Variants in UBR4 observed in about 807,000 individuals in gnomAD.
UBR4 encodes the protein ubiquitin protein ligase E3 component n-recognin 4.
Under a neutral mutation model 575.6 loss-of-function variants are expected in UBR4, and 124 were observed. That is an observed-to-expected ratio of 0.22 (90% CI 0.19 to 0.25). The LOEUF (loss-of-function observed/expected upper bound fraction) is 0.25. UBR4 is among the 10% of genes least tolerant of loss of function. UBR4 has a pLI of 1.00. For missense variants in UBR4, 4,818 were observed against 6,478.8 expected, an observed-to-expected ratio of 0.74 and a Z score of 8.80; for synonymous variants, 2,455 against 2,473.7, an observed-to-expected ratio of 0.99 and a Z score of 0.22.
chr1:19,086,493 C>A lies in UBR4; in HGVS notation c.14687+186G>T, dbSNP rs567184223. 5.9e-5 allele frequency among the ~76,000 whole-genome samples: 9 copies of A among 152,328 alleles called. 1 individual carries two copies. In the South Asian group the frequency reaches 1.7e-3, roughly 28 times the overall value. On this transcript the variant is annotated intron_variant, in intron 100 of 105. Transcript: ENST00000375254. Reference sequence around the variant, plus strand: ...CAGGGCTGTTCTCACTAGCCTTGGGCCCAGGCCAAAGCATATTTTCCTATC... The same window carrying A: ...CAGGGCTGTTCTCACTAGCCTTGGGACCAGGCCAAAGCATATTTTCCTATC...
chr1:19,197,321 T>C, intron 7 of UBR4, 56 bp from the exon 8 acceptor site: 1 of 1,609,462 alleles, frequency 6.2e-7, no homozygotes. Flanking sequence ...TTCTATAATG[T>C]GACAGTTAAA....
intron 51 of UBR4, 117 bp downstream of exon 51, chr1:19,147,871 GTCTAA>G (rs2085085633): frequency 7.0e-7 from 1 of 1,427,604 alleles, no homozygotes; most frequent in Admixed American, 2.1e-5. Context: ...TAAAATGTAG[GTCTAA>G]TCTGAATGCT....
Position 19,173,490 on chromosome 1 carries a change from A to T in UBR4, c.3114T>A (p.Thr1038=). Residue 1038 remains threonine, a synonymous_variant, in exon 23 of 106, where the codon ACT becomes ACA. Coordinates refer to ENST00000375254, the MANE Select transcript of UBR4 (RefSeq NM_020765.3). Reference sequence around the variant, plus strand: ...TCCGGAGCCGAGAAGACCATCGCAGAGTGTGCAAGATGTCACATTCGCTCA... The same window carrying T: ...TCCGGAGCCGAGAAGACCATCGCAGTGTGTGCAAGATGTCACATTCGCTCA... ...PEMSECDILH[T]LRWSSRLRIS... The T allele has an allele frequency of 1.2e-6, 2 of 1,614,166 alleles. No homozygotes were observed. Among genetic ancestry groups the T allele is most frequent in the South Asian group, 2.2e-5 (2 of 91,082 alleles).
intron 1 of UBR4, among the ~76,000 whole-genome samples, chr1:19,202,139 G>A (rs1183160381): frequency 3.3e-5 from 5 of 152,134 alleles, no homozygotes; most frequent in Non-Finnish European, 7.4e-5. Flanking sequence ...GTTGCAGTGA[G>A]CCGATATTGA....
Position 19,110,428 on chromosome 1 carries a change from C to G in UBR4, c.11929G>C (p.Asp3977His). 6.2e-7 allele frequency: 1 copy of G among 1,614,178 alleles called. No individual in the cohort carries two copies. The highest frequency in any genetic ancestry group is 8.5e-7 in the Non-Finnish European group (1 of 1,180,036). ...CAGCTGTCCTCCTTGGAGATAGAAT[C>G]CGTCAGCAGCAGCATTTCATACTGC... ...SLQYEMLLLT[D>H]SISKEDSCWE... The change falls in exon 80 of 106, where the codon GAT becomes CAT. Residue 3977 changes from aspartate to histidine, a missense_variant. By Grantham distance (81) the Asp-to-His change is moderately conservative. Transcript: ENST00000375254. The surrounding 1 kb of genome is among the most constrained non-coding windows in gnomAD (Gnocchi z 4.5).
At chr1:19,151,979 C>A in intron 47 of UBR4, 120 bp from the exon 48 acceptor site, 1 of 953,546 alleles carries the variant, frequency 1.0e-6, no homozygotes, top group Non-Finnish European at 1.5e-6. Context: ...CCTTTTAACT[C>A]CCTGGTAATG....
intron 11 of UBR4, among the ~76,000 whole-genome samples, chr1:19,190,150 TGG>T: frequency 6.6e-6 from 1 of 150,738 alleles, no homozygotes; most frequent in African/African-American, 2.4e-5. Context: ...AAAAATCAGC[TGG>T]GCATGGTGGT....
intron 25 of UBR4, among the ~76,000 whole-genome samples, chr1:19,171,851 A>G (rs993920935): frequency 2.0e-5 from 3 of 152,096 alleles, no homozygotes; most frequent in Non-Finnish European, 4.4e-5. Context: ...TCTCAAAACA[A>G]AAAAGCACCA....
intron 60 of UBR4, among the ~76,000 whole-genome samples, chr1:19,131,813 T>A (rs1044900521): frequency 6.6e-6 from 1 of 152,114 alleles, no homozygotes; most frequent in Non-Finnish European, 1.5e-5. Flanking sequence ...GCAGAGGTTG[T>A]AGTGAGCCAA....
At chr1:19,123,434 A>G (rs2081382168) in intron 65 of UBR4, among the ~76,000 whole-genome samples, 1 of 146,528 alleles carries the variant, frequency 6.8e-6, no homozygotes, top group Admixed American at 6.9e-5. Flanking sequence ...CTGGGTCAAC[A>G]GAGTGAGACT....
chr1:19,097,092 G>A (rs1026825823), intron 91 of UBR4, 101 bp downstream of exon 91: 2 of 892,354 alleles, frequency 2.2e-6, no homozygotes, highest in Non-Finnish European at 3.2e-6. Flanking sequence ...TTCTGATGCA[G>A]AGGTACAAGA....
At position 19,110,306 on chromosome 1, in the gene UBR4, C is replaced by T; in HGVS notation, c.11977+74G>A. On this transcript the variant is annotated intron_variant, in intron 80 of 105. Coordinates refer to ENST00000375254, the MANE Select transcript of UBR4 (RefSeq NM_020765.3). This position sits in a 1 kb window ranked among gnomAD's most constrained non-coding sequence, Gnocchi z 4.5. ...AGAGGCCGCCCAAGCATCAGTTTCC[C>T]TCCTCCCCTCCCAGTCCGGCCAGGA... is the stretch of plus-strand genomic sequence containing the variant. The T allele has an allele frequency of 6.2e-7, 1 of 1,612,950 alleles. No homozygotes were observed. The highest frequency in any genetic ancestry group is 1.1e-5 in the South Asian group (1 of 90,990).
intron 99 of UBR4, 141 bp downstream of exon 99, chr1:19,087,675 C>G: frequency 3.2e-6 from 2 of 619,456 alleles, no homozygotes; most frequent in South Asian, 2.0e-5. Context: ...AAGAGGACAG[C>G]TGGTCCTTTT....
At chr1:19,160,771 C>CA in intron 38 of UBR4, 146 bp downstream of exon 38, 2 of 776,204 alleles carry the variant, frequency 2.6e-6, no homozygotes, top group Non-Finnish European at 4.2e-6. Flanking sequence ...CTCGTGACGA[C>CA]AATACATAGT....
chr1:19,127,814 A>C, intron 62 of UBR4, 75 bp from the exon 63 acceptor site: 1 of 1,236,886 alleles, frequency 8.1e-7, no homozygotes, highest in Non-Finnish European at 1.2e-6. Flanking sequence ...AGATCCCTTC[A>C]AGTCAAGCCC....
In UBR4 at chr1:19,164,215, C is replaced by A. The variant is rs762969539; in HGVS notation, c.4700+38G>T. 1.6e-5 allele frequency: 26 copies of A among 1,582,244 alleles called. No homozygotes were observed. In the East Asian group the frequency reaches 5.2e-4, roughly 32 times the overall value. ...AAGAAAGTAACCCACTTCTCAAGAT[C>A]AATGTTGTAACCTACAGATACAACT... is the stretch of plus-strand genomic sequence containing the variant. On this transcript the variant is annotated intron_variant, in intron 33 of 105. Coordinates refer to ENST00000375254, the MANE Select transcript of UBR4 (RefSeq NM_020765.3).
chr1:19,085,874 T>A (rs1053249528), intron 101 of UBR4, among the ~76,000 whole-genome samples: 1 of 152,118 alleles, frequency 6.6e-6, no homozygotes, highest in Non-Finnish European at 1.5e-5. Context: ...AAAGGAATAG[T>A]GAAGACCCAG....
rs1360220660 is a variant in UBR4, at chr1:19,122,829, G to A, written c.9816+4C>T. ...CCTGCCCTACCAGGTCCCAGCCCTC[G>A]TACCAGGCTGATGAGTGTGTCATAT... On this transcript the variant is annotated splice_donor_region_variant and intron_variant, in intron 66 of 105. Coordinates refer to ENST00000375254, the MANE Select transcript of UBR4 (RefSeq NM_020765.3). 10 of 1,613,996 alleles carry A rather than the reference G, an allele frequency of 6.2e-6. No homozygotes were observed. The highest frequency in any genetic ancestry group is 1.3e-5 in the African/African-American group (1 of 74,912).
At chr1:19,184,890 A>G (rs1046629219) in intron 15 of UBR4, among the ~76,000 whole-genome samples, 10 of 152,246 alleles carry the variant, frequency 6.6e-5, no homozygotes, top group African/African-American at 2.2e-4. Flanking sequence ...TCACAAAGCC[A>G]TTAAGTGATT....
Sources: gnomAD v4.1 joint callset for allele counts (sites outside exome capture counted in the v4.1 genomes callset) on GRCh38, gnomAD v4.1.1 for gene constraint, Gnocchi (gnomAD v3.1) non-coding constraint, MANE v1.5 for transcripts, NCBI Gene and HGNC (gene_info 2026-07-23, HGNC 2026-07-21) for gene names.